Variants in GABRG3 observed in about 807,000 individuals in gnomAD.
GABRG3 encodes the protein gamma-aminobutyric acid receptor subunit gamma-3.
In GABRG3, 25 loss-of-function variants were observed where a neutral mutation model predicts 48.8. The observed-to-expected ratio is 0.51, with a 90% CI of 0.37 to 0.72. The LOEUF is 0.72. GABRG3 is among the 30% of genes least tolerant of loss of function. The pLI is 0.00. For synonymous variants in GABRG3, 227 were observed against 217.6 expected, an observed-to-expected ratio of 1.04 and a Z score of -0.38; for missense variants, 394 against 577.9, an observed-to-expected ratio of 0.68 and a Z score of 3.26.
In GABRG3 at chr15:26,977,095, T is replaced by C. The variant is rs1595451224; in HGVS notation, c.147T>C (p.Leu49=). The C allele has an allele frequency of 6.2e-7, 1 of 1,614,036 alleles. No homozygotes were observed. The highest frequency in any genetic ancestry group is 1.7e-4 in the Middle Eastern group (1 of 6,060). ...AATCCCAAGACACCGACGTGACTCT[T>C]ATTCTCAACAAGTTGCTAAGAGAAT... ...APKSQDTDVT[L]ILNKLLREYD... Residue 49 remains leucine, a synonymous_variant, in exon 2 of 10, where the codon CTT becomes CTC. Coordinates refer to ENST00000615808, the MANE Select transcript of GABRG3 (RefSeq NM_033223.5).
chr15:26,981,153 A>G (rs895903938), intron 2 of GABRG3, among the ~76,000 whole-genome samples: 6 of 152,232 alleles, frequency 3.9e-5, no homozygotes, highest in Non-Finnish European at 8.8e-5. Context: ...CAACTGAGAA[A>G]CATTCCCAAA....
chr15:27,128,478 G>A (rs1897860156), intron 3 of GABRG3, among the ~76,000 whole-genome samples: 1 of 152,202 alleles, frequency 6.6e-6, no homozygotes, highest in African/African-American at 2.4e-5. Context: ...CCCACGCCTT[G>A]AAGCCCATAA....
intron 3 of GABRG3, among the ~76,000 whole-genome samples, chr15:27,159,435 T>C (rs1352896353): frequency 2.6e-5 from 4 of 151,826 alleles, no homozygotes; most frequent in Admixed American, 6.6e-5. Context: ...TGATCCGAGA[T>C]TGCGCCACTG....
intron 5 of GABRG3, among the ~76,000 whole-genome samples, chr15:27,455,914 T>G (rs1366055037): frequency 6.6e-6 from 1 of 152,180 alleles, no homozygotes; most frequent in Non-Finnish European, 1.5e-5. Flanking sequence ...CTCTGGTCAC[T>G]GTCCCACTTT....
At chr15:27,324,604 A>C (rs543924477) in intron 3 of GABRG3, among the ~76,000 whole-genome samples, 3 of 152,226 alleles carry the variant, frequency 2.0e-5, no homozygotes, top group Non-Finnish European at 4.4e-5. Flanking sequence ...CATGAAAGAC[A>C]GGCAGGCAAC....
chr15:27,048,207 CAT>C (rs1896396863), intron 3 of GABRG3, among the ~76,000 whole-genome samples: 1 of 152,148 alleles, frequency 6.6e-6, no homozygotes, highest in African/African-American at 2.4e-5. Context: ...GTGTGCCTCT[CAT>C]GTGCTCATTT....
intron 3 of GABRG3, among the ~76,000 whole-genome samples, chr15:27,307,710 C>T (rs1421053289): frequency 1.8e-5 from 2 of 109,388 alleles, no homozygotes; most frequent in East Asian, 4.9e-4. Flanking sequence ...TATATATAAA[C>T]CTATAGGTTT....
At chr15:26,978,792 T>G (rs2140636041) in intron 2 of GABRG3, among the ~76,000 whole-genome samples, 1 of 152,366 alleles carries the variant, frequency 6.6e-6, no homozygotes, top group Middle Eastern at 3.4e-3. Flanking sequence ...TTTTCAACAT[T>G]AGCTCATCTT....
chr15:26,991,922 G>A (rs900346259), intron 2 of GABRG3, among the ~76,000 whole-genome samples: 7 of 151,998 alleles, frequency 4.6e-5, no homozygotes, highest in South Asian at 4.2e-4. Flanking sequence ...GGGTTTCACC[G>A]TGTTAGCCAG....
intron 3 of GABRG3, among the ~76,000 whole-genome samples, chr15:27,195,925 G>T (rs180687500): frequency 7.3e-6 from 1 of 137,516 alleles, no homozygotes; most frequent in Non-Finnish European, 1.7e-5. Flanking sequence ...ATCAGCCACC[G>T]CACCCAGCCA....
chr15:27,212,423 G>T (rs1417868419), intron 3 of GABRG3, among the ~76,000 whole-genome samples: 5 of 152,202 alleles, frequency 3.3e-5, no homozygotes, highest in African/African-American at 7.2e-5. Flanking sequence ...TATCCATTCA[G>T]TATTTGGGGA....
intron 9 of GABRG3, among the ~76,000 whole-genome samples, chr15:27,528,652 C>A (rs748358074): frequency 3.3e-5 from 5 of 152,134 alleles, no homozygotes; most frequent in African/African-American, 9.7e-5. Context: ...TTGGTAGTCA[C>A]GCAGGAAAAT....
intron 3 of GABRG3, among the ~76,000 whole-genome samples, chr15:27,214,717 A>T (rs1178679257): frequency 1.3e-5 from 2 of 148,806 alleles, no homozygotes; most frequent in Non-Finnish European, 1.5e-5. Context: ...TTTGGTAGGA[A>T]GCTTGACTCA....
intron 5 of GABRG3, chr15:27,350,527 C>A (rs1300671299): frequency 4.5e-6 from 1 of 221,174 alleles, no homozygotes. Flanking sequence ...GGACAGATGG[C>A]GAAGGCGTGG....
intron 3 of GABRG3, among the ~76,000 whole-genome samples, chr15:27,149,459 T>A (rs1413315252): frequency 6.6e-6 from 1 of 151,194 alleles, no homozygotes. Context: ...CTCAGCCTCC[T>A]TTTTTTTGCA....
chr15:27,453,789 G>T (rs1018254043), intron 5 of GABRG3, among the ~76,000 whole-genome samples: 1 of 152,036 alleles, frequency 6.6e-6, no homozygotes, highest in African/African-American at 2.4e-5. Flanking sequence ...TTTAGTACTG[G>T]CAGGGTTTCA....
intron 5 of GABRG3, among the ~76,000 whole-genome samples, chr15:27,406,320 C>T (rs1489660317): frequency 6.6e-6 from 1 of 152,118 alleles, no homozygotes; most frequent in African/African-American, 2.4e-5. Context: ...GCCATTCCCA[C>T]ATGAGTGTGG....
chr15:27,499,380 T>C (rs915910712), intron 6 of GABRG3, among the ~76,000 whole-genome samples: 6 of 152,064 alleles, frequency 3.9e-5, no homozygotes, highest in Admixed American at 3.9e-4. Context: ...ATTGAAACAA[T>C]AGCGCCACAT....
intron 3 of GABRG3, among the ~76,000 whole-genome samples, chr15:27,043,902 A>G (rs1363543355): frequency 2.0e-5 from 3 of 152,194 alleles, no homozygotes; most frequent in Non-Finnish European, 2.9e-5. Flanking sequence ...AGCTGCTTCC[A>G]GAGCCGTCTC....
Sources: allele counts gnomAD v4.1 joint callset (sites outside exome capture counted in the v4.1 genomes callset), GRCh38; gene constraint gnomAD v4.1.1; transcripts MANE v1.5; gene names NCBI Gene and HGNC (gene_info 2026-07-23, HGNC 2026-07-21).